ABCA1: variants seen among roughly 807,000 people sequenced by gnomAD.
ABCA1 encodes phospholipid-transporting ATPase ABCA1.
ABCA1 carries 133 observed loss-of-function variants against 262.5 expected under a neutral mutation model. The observed-to-expected ratio is 0.51, with a 90% confidence interval of 0.44 to 0.59. The LOEUF (loss-of-function observed/expected upper bound fraction) is 0.59, where lower values mean the gene tolerates loss of function less well. Among genes scored for constraint, ABCA1 ranks in the 20% least tolerant of loss-of-function variants. ABCA1 has a pLI of 0.00. For synonymous variants in ABCA1, 1,022 were observed against 1,043.5 expected, an observed-to-expected ratio of 0.98 and a Z score of 0.40; for missense variants, 2,452 against 2,777.5, an observed-to-expected ratio of 0.88 and a Z score of 2.63.
At chr9:104,788,605 G>T (rs933166545) in intron 44 of ABCA1, 38 bp from the exon 45 acceptor site, 1 of 1,611,552 alleles carries the variant, frequency 6.2e-7, no homozygotes, top group Non-Finnish European at 8.5e-7. Context: ...TTTTAAGCAG[G>T]TAGAGATACT....
chr9:104,819,572 T>C lies in ABCA1; in HGVS notation c.3241+14A>G. 10 of 1,614,002 alleles carry C rather than the reference T, an allele frequency of 6.2e-6. No individual in the cohort carries two copies. The highest frequency in any genetic ancestry group is 1.1e-5 in the South Asian group (1 of 91,066). ...TCTCAGTCCATTTACTCAGAATAAA[T>C]ACACATCAGGCACCTTGTCGGTATT... On this transcript the variant is annotated intron_variant, in intron 22 of 49. Coordinates refer to ENST00000374736, the MANE Select transcript of ABCA1 (RefSeq NM_005502.4).
At chr9:104,800,675 C>A in intron 34 of ABCA1, 91 bp from the exon 35 acceptor site, 2 of 1,132,582 alleles carry the variant, frequency 1.8e-6, no homozygotes, top group Non-Finnish European at 2.7e-6. Context: ...CAGGACGGCC[C>A]TGTGAAGAGC....
At chr9:104,855,101 A>G (rs1203364758) in intron 7 of ABCA1, 2 of 963,296 alleles carry the variant, frequency 2.1e-6, no homozygotes, top group African/African-American at 3.5e-5. Context: ...AGTCTTGACA[A>G]TATCTGAGCA....
chr9:104,826,870 A>C (rs1588318559), intron 16 of ABCA1, 78 bp downstream of exon 16: 3 of 1,344,300 alleles, frequency 2.2e-6, no homozygotes, highest in Non-Finnish European at 2.1e-6. Context: ...TTCTGTTCTC[A>C]ACTTGCTGCT....
intron 44 of ABCA1, 71 bp downstream of exon 44, chr9:104,790,851 A>T: frequency 9.2e-7 from 1 of 1,090,218 alleles, no homozygotes. Flanking sequence ...AATCAAAAAT[A>T]ACAACCTATT....
intron 7 of ABCA1, among the ~76,000 whole-genome samples, chr9:104,853,166 A>G (rs773769255): frequency 2.0e-5 from 3 of 152,212 alleles, no homozygotes; most frequent in Non-Finnish European, 4.4e-5. Context: ...TGCTAGGCAC[A>G]CTGGAAGACA....
intron 1 of ABCA1, among the ~76,000 whole-genome samples, chr9:104,920,843 G>T (rs7049195): frequency 6.6e-6 from 1 of 152,032 alleles, no homozygotes; most frequent in Non-Finnish European, 1.5e-5. Context: ...GAAAACACTC[G>T]TATGAATAAA....
chr9:104,845,325 C>CA, intron 8 of ABCA1, 152 bp downstream of exon 8: 1 of 676,466 alleles, frequency 1.5e-6, no homozygotes, highest in Non-Finnish European at 2.6e-6. Context: ...ATAAGGAAAT[C>CA]AAAACATTAT....
chr9:104,799,695 C>T (rs1830175957), intron 36 of ABCA1, 124 bp downstream of exon 36: 10 of 1,582,736 alleles, frequency 6.3e-6, no homozygotes, highest in Non-Finnish European at 7.7e-6. Flanking sequence ...TGGATCAATC[C>T]AGATTTATCA....
At chr9:104,800,427 CT>C in intron 35 of ABCA1, 82 bp downstream of exon 35, 1 of 1,374,508 alleles carries the variant, frequency 7.3e-7, no homozygotes. Context: ...CCCCTGCCAA[CT>C]TTACCATGAG....
intron 16 of ABCA1, 127 bp downstream of exon 16, chr9:104,826,821 A>C: frequency 7.1e-5 from 62 of 874,910 alleles, no homozygotes; most frequent in Middle Eastern, 3.2e-4. Context: ...CTTAGAATCT[A>C]GAGCTAAGGT....
intron 3 of ABCA1, among the ~76,000 whole-genome samples, chr9:104,888,062 T>G (rs62568182): frequency 0.13 from 17,419 of 129,608 alleles, 1,072 homozygotes; most frequent in Middle Eastern, 0.2. Context: ...TTGAGGGGTG[T>G]GTGTGTGTGT....
intron 7 of ABCA1, among the ~76,000 whole-genome samples, chr9:104,853,463 A>G (rs1835558183): frequency 6.6e-6 from 1 of 152,200 alleles, no homozygotes; most frequent in Non-Finnish European, 1.5e-5. Flanking sequence ...CACTCTGTAG[A>G]CCCAGGACCT....
At position 104,861,411 on chromosome 9, in the gene ABCA1, G is replaced by A; in HGVS notation, c.543+268C>T. 3 of 596,544 alleles carry A rather than the reference G, an allele frequency of 5.0e-6. No homozygotes were observed. In the South Asian group the frequency reaches 6.1e-5, roughly 12 times the overall value. The allele number at this position is 596,544 out of a possible 1,614,324, so 37.0% of individuals were successfully genotyped here. A position where few individuals can be genotyped will look rare whatever the true frequency, so the allele number is the denominator to read the frequency against. The stretch of plus-strand genomic sequence containing the variant: ...TCAACTTAAAATGTATCCCTTGTAG[G>A]AGGAAATCATCACAAATGCCAAGTG... On this transcript the variant is annotated intron_variant, in intron 6 of 49. Transcript: ENST00000374736.
intron 2 of ABCA1, among the ~76,000 whole-genome samples, chr9:104,896,932 G>A (rs1699017128): frequency 6.6e-6 from 1 of 151,118 alleles, no homozygotes; most frequent in Non-Finnish European, 1.5e-5. Flanking sequence ...GTCTTGCTAT[G>A]CTGCCCAGGC....
At chr9:104,830,170 A>T (rs1374378401) in intron 14 of ABCA1, among the ~76,000 whole-genome samples, 1 of 152,230 alleles carries the variant, frequency 6.6e-6, no homozygotes, top group Non-Finnish European at 1.5e-5. Context: ...AAGATTTTCT[A>T]AAAAGTCTAA....
In ABCA1 at chr9:104,802,083, G is replaced by T; in HGVS notation, c.4669C>A (p.Gln1557Lys). The T allele has an allele frequency of 6.2e-7, 1 of 1,614,106 alleles. No homozygotes were observed. The highest frequency in any genetic ancestry group is 8.5e-7 in the Non-Finnish European group (1 of 1,180,016). ...GCCAGCTTTAGGTGTTTCTTCATTT[G>T]TTTGATGGCATCATTAACTTCTTGA... ...PSQEVNDAIK[Q>K]MKKHLKLAKD... The change falls in exon 34 of 50, where the codon CAA becomes AAA. Residue 1557 changes from glutamine to lysine, a missense_variant. Gln to Lys is a moderately conservative substitution (Grantham distance 53). This residue lies in a region of ABCA1 where 752 missense variants were observed against 944.5 expected (regional missense o/e 0.80). Transcript: ENST00000374736.
chr9:104,821,215 C>T (rs1371942655), intron 20 of ABCA1, among the ~76,000 whole-genome samples, 160 bp downstream of exon 20: 1 of 152,106 alleles, frequency 6.6e-6, no homozygotes, highest in East Asian at 1.9e-4. Context: ...TACAGTCCAG[C>T]CTGGCTACAG....
intron 30 of ABCA1, among the ~76,000 whole-genome samples, chr9:104,808,751 T>G (rs1831013855): frequency 6.6e-6 from 1 of 152,136 alleles, no homozygotes; most frequent in Non-Finnish European, 1.5e-5. Context: ...CTTCCCACCT[T>G]GCCATAATTT....
Sources: allele counts gnomAD v4.1 joint callset (sites outside exome capture counted in the v4.1 genomes callset), GRCh38; gene constraint gnomAD v4.1.1; regional missense constraint gnomAD v4.1.1; transcripts MANE v1.5; gene names NCBI Gene and HGNC (gene_info 2026-07-23, HGNC 2026-07-21).